Variants in PTPRN2 observed in about 807,000 individuals in gnomAD.
PTPRN2 encodes the protein protein tyrosine phosphatase receptor type N2, also known as receptor-type tyrosine-protein phosphatase N2.
PTPRN2 carries 74 observed loss-of-function variants against 118.8 expected under a neutral mutation model. The observed-to-expected ratio is 0.62, with a 90% confidence interval of 0.52 to 0.76. The LOEUF (loss-of-function observed/expected upper bound fraction) is 0.76. Ranked by LOEUF, PTPRN2 falls within the 30% of genes least tolerant of loss-of-function variation. PTPRN2 has a pLI of 0.00. For missense variants in PTPRN2, 1,481 were observed against 1,394.4 expected, an observed-to-expected ratio of 1.06 and a Z score of -0.99; for synonymous variants, 641 against 608.0, an observed-to-expected ratio of 1.05 and a Z score of -0.80.
At chr7:157,684,707 C>G (rs1797087854) in intron 12 of PTPRN2, among the ~76,000 whole-genome samples, 1 of 151,670 alleles carries the variant, frequency 6.6e-6, no homozygotes, top group Non-Finnish European at 1.5e-5. Context: ...GGGTCTCCTG[C>G]GCGCCCCTCC....
chr7:157,566,896 G>A (rs1384642392), intron 21 of PTPRN2, among the ~76,000 whole-genome samples: 1 of 152,238 alleles, frequency 6.6e-6, no homozygotes, highest in Non-Finnish European at 1.5e-5. Context: ...CCGCCTGCCT[G>A]TGCTTCTGGT....
intron 12 of PTPRN2, 100 bp downstream of exon 12, chr7:157,898,572 CT>C: frequency 7.4e-6 from 9 of 1,223,236 alleles, no homozygotes; most frequent in Non-Finnish European, 1.1e-5. Context: ...AGGACCTTGG[CT>C]GAATTAACCT....
chr7:158,180,444 C>T lies in PTPRN2; in HGVS notation c.549+11883G>A, dbSNP rs138017165. On this transcript the variant is annotated intron_variant, in intron 5 of 22. Coordinates refer to ENST00000389418, the MANE Select transcript of PTPRN2 (RefSeq NM_002847.5). Reference sequence around the variant, plus strand: ...GATCTGTTCTTTTTGTTTAGGATTGCTTTTGCTATTTGGGCTATTTTTTGG... The same window carrying T: ...GATCTGTTCTTTTTGTTTAGGATTGTTTTTGCTATTTGGGCTATTTTTTGG... Among the ~76,000 whole-genome samples the T allele has an allele frequency of 5.9e-3, 903 of 152,124 alleles. 4 individuals are homozygous for T. Among genetic ancestry groups the T allele is most frequent in the African/African-American group, 0.021 (851 of 41,492 alleles).
At chr7:157,658,410 G>A (rs552848329) in intron 13 of PTPRN2, among the ~76,000 whole-genome samples, 10 of 152,194 alleles carry the variant, frequency 6.6e-5, no homozygotes, top group South Asian at 2.1e-4. Flanking sequence ...AGAAGTTCCC[G>A]TATTTAAAGG....
At chr7:157,840,603 C>A (rs1274179495) in intron 12 of PTPRN2, among the ~76,000 whole-genome samples, 2 of 152,214 alleles carry the variant, frequency 1.3e-5, no homozygotes, top group African/African-American at 4.8e-5. Context: ...CTGAAGCCCA[C>A]AGAGCAGGCC....
chr7:158,221,889 AG>A (rs1408281374), intron 3 of PTPRN2, among the ~76,000 whole-genome samples: 1 of 152,180 alleles, frequency 6.6e-6, no homozygotes, highest in Admixed American at 6.5e-5. Flanking sequence ...ACAAGAAAAA[AG>A]CAGCCCCATT....
intron 14 of PTPRN2, among the ~76,000 whole-genome samples, chr7:157,655,870 C>T (rs2530406): frequency 0.38 from 56,996 of 151,538 alleles, 11,354 homozygotes; most frequent in Middle Eastern, 0.47. Context: ...AGCCTCTGGC[C>T]GGCGCCACCA....
At chr7:158,167,907 G>A (rs1045772885) in intron 5 of PTPRN2, among the ~76,000 whole-genome samples, 1 of 152,208 alleles carries the variant, frequency 6.6e-6, no homozygotes, top group Non-Finnish European at 1.5e-5. Context: ...TCACCTATCA[G>A]TTGATGGACA....
At chr7:158,348,887 G>A (rs1440707237) in intron 2 of PTPRN2, among the ~76,000 whole-genome samples, 2 of 151,362 alleles carry the variant, frequency 1.3e-5, no homozygotes, top group Admixed American at 6.6e-5. Flanking sequence ...ACCCCTGGGT[G>A]GTCCCTGAGG....
chr7:158,252,665 C>T (rs778209605), intron 3 of PTPRN2, among the ~76,000 whole-genome samples: 2 of 152,236 alleles, frequency 1.3e-5, no homozygotes, highest in African/African-American at 4.8e-5. Context: ...GCTGCACAGA[C>T]GCGTGACAGG....
intron 9 of PTPRN2, among the ~76,000 whole-genome samples, chr7:158,117,326 A>G (rs918345667): frequency 2.0e-5 from 3 of 152,190 alleles, no homozygotes; most frequent in African/African-American, 7.2e-5. Flanking sequence ...AAAATAAAGA[A>G]TCAGTGAACT....
intron 3 of PTPRN2, among the ~76,000 whole-genome samples, chr7:158,314,572 C>T (rs1013636482): frequency 2.6e-5 from 4 of 152,258 alleles, no homozygotes; most frequent in Non-Finnish European, 5.9e-5. Context: ...GAGCTGGGCC[C>T]AAGCCGCCCT....
rs1230392674 is a variant in PTPRN2, at chr7:158,315,466, CT to C, written c.277+1352del. Reference sequence around the variant, plus strand: ...ATGAAGGACAGAGGTGAACCCAGGACTCCCTGAAGGATAGAGGTGAACCCGG... The same window carrying C: ...ATGAAGGACAGAGGTGAACCCAGGACCCCTGAAGGATAGAGGTGAACCCGG... On this transcript the variant is annotated intron_variant, in intron 3 of 22. Coordinates refer to ENST00000389418, the MANE Select transcript of PTPRN2 (RefSeq NM_002847.5). Among the ~76,000 whole-genome samples the C allele has an allele frequency of 1.0e-4, 15 of 148,342 alleles. 1 individual carries two copies. The highest frequency in any genetic ancestry group is 3.5e-4 in the African/African-American group (14 of 40,154).
chr7:158,262,822 C>A (rs1308029356), intron 3 of PTPRN2, among the ~76,000 whole-genome samples: 1 of 141,024 alleles, frequency 7.1e-6, no homozygotes, highest in African/African-American at 2.9e-5. Context: ...ATTCACACTG[C>A]ACACATTCAC....
At chr7:157,664,628 G>A (rs571696077) in intron 13 of PTPRN2, among the ~76,000 whole-genome samples, 7 of 152,184 alleles carry the variant, frequency 4.6e-5, no homozygotes, top group Admixed American at 6.5e-5. Context: ...GTGTGGTGGC[G>A]TGCACCTGTA....
chr7:158,145,097 C>T (rs1327197055), intron 6 of PTPRN2, among the ~76,000 whole-genome samples: 29 of 139,138 alleles, frequency 2.1e-4, no homozygotes, highest in Non-Finnish European at 3.7e-4. Flanking sequence ...TACCACGGCT[C>T]GGCAAGGTTT....
chr7:158,234,088 A>G (rs1829354259), intron 3 of PTPRN2, among the ~76,000 whole-genome samples: 1 of 152,190 alleles, frequency 6.6e-6, no homozygotes. Flanking sequence ...AAGGCCTCAA[A>G]AGCACAGATA....
At chr7:158,020,244 A>G (rs1806771513) in intron 11 of PTPRN2, among the ~76,000 whole-genome samples, 1 of 151,952 alleles carries the variant, frequency 6.6e-6, no homozygotes, top group Admixed American at 6.6e-5. Context: ...ACTGCAACTT[A>G]CCTCCTTCAG....
Position 158,519,273 on chromosome 7 carries a change from G to A in PTPRN2, c.113-29488C>T, listed in dbSNP as rs538592495. Among the ~76,000 whole-genome samples, 3 of 152,324 alleles carry A rather than the reference G, an allele frequency of 2.0e-5. No individual in the cohort carries two copies. The East Asian group carries it at 5.8e-4, about 29-fold the overall frequency. ...CCTTAGTGCTGACACTGTCCTGCCAGCCAGCACATCTCCTCATTTTATGAA... is the reference window on the plus strand; with the variant it reads ...CCTTAGTGCTGACACTGTCCTGCCAACCAGCACATCTCCTCATTTTATGAA... On this transcript the variant is annotated intron_variant, in intron 1 of 22. Coordinates refer to ENST00000389418, the MANE Select transcript of PTPRN2 (RefSeq NM_002847.5).
Sources: allele counts gnomAD v4.1 joint callset (sites outside exome capture counted in the v4.1 genomes callset), GRCh38; gene constraint gnomAD v4.1.1; transcripts MANE v1.5; gene names NCBI Gene and HGNC (gene_info 2026-07-23, HGNC 2026-07-21).